SMIM35: variants seen among roughly 807,000 people sequenced by gnomAD.
The protein encoded by SMIM35 is TMPRSS4 antisense RNA 1 (non-protein coding).
intron 1 of SMIM35, chr11:118,028,976 G>A (rs113711513): frequency 0.013 from 5,029 of 384,208 alleles, 62 homozygotes; most frequent in Non-Finnish European, 0.017. Flanking sequence ...GTTGTTTCGG[G>A]TAAAAATAGT....
intron 1 of SMIM35, chr11:118,028,834 A>AAAGGAGAAGAAAAAGGAGGAGG (rs1186735726): frequency 4.4e-6 from 2 of 453,140 alleles, no homozygotes; most frequent in African/African-American, 4.0e-5. Flanking sequence ...TAGAAGGGGA[A>AAAGGAGAAGAAAAAGGAGGAGG]AAGGAGAAGA....
intron 1 of SMIM35, chr11:118,029,534 G>A: frequency 2.4e-6 from 1 of 411,694 alleles, no homozygotes; most frequent in Non-Finnish European, 4.8e-6. Flanking sequence ...GCCAATAGGA[G>A]GCAATAGAGA....
At chr11:118,028,373 G>C (rs1415898120) in intron 1 of SMIM35, among the ~76,000 whole-genome samples, 1 of 152,172 alleles carries the variant, frequency 6.6e-6, no homozygotes, top group Admixed American at 6.5e-5. Flanking sequence ...TACAAGACAG[G>C]CCTGTGGGGA....
In SMIM35 at chr11:118,015,145, T is replaced by A. The variant is rs569254118; in HGVS notation, c.125-404A>T. On this transcript the variant is annotated intron_variant, in intron 2 of 4. Transcript: ENST00000689828. ...GCTCAACAAATATCCATGGACTCTG[T>A]TAAAGTTAAGTGCAGATCTAGGAAA... 2.7e-3 allele frequency among the ~76,000 whole-genome samples: 412 copies of A among 152,324 alleles called. 1 individual carries two copies. The highest frequency in any genetic ancestry group is 4.1e-3 in the Non-Finnish European group (276 of 68,030).
chr11:118,016,532 C>G (rs980310047), intron 1 of SMIM35, among the ~76,000 whole-genome samples: 8 of 152,124 alleles, frequency 5.3e-5, no homozygotes, highest in African/African-American at 1.7e-4. Flanking sequence ...GATGAGGTAC[C>G]AGGAGTGTGG....
At chr11:118,049,462 C>A (rs1247078833) in intron 1 of SMIM35, among the ~76,000 whole-genome samples, 1 of 150,724 alleles carries the variant, frequency 6.6e-6, no homozygotes, top group Non-Finnish European at 1.5e-5. Flanking sequence ...AATTCTCCTG[C>A]CTCAGCCTCC....
intron 1 of SMIM35, among the ~76,000 whole-genome samples, chr11:118,023,694 T>C (rs2058250560): frequency 6.6e-6 from 1 of 151,738 alleles, no homozygotes; most frequent in Admixed American, 6.6e-5. Context: ...GGCATAGCAA[T>C]AGGAACTATC....
chr11:118,036,723 G>A (rs1405945260), intron 1 of SMIM35, among the ~76,000 whole-genome samples: 1 of 152,240 alleles, frequency 6.6e-6, no homozygotes, highest in Non-Finnish European at 1.5e-5. Context: ...TTCCATCTGG[G>A]CTGGTTCTCT....
intron 1 of SMIM35, among the ~76,000 whole-genome samples, chr11:118,042,164 T>A: frequency 7.1e-6 from 1 of 139,898 alleles, no homozygotes; most frequent in African/African-American, 2.7e-5. Context: ...AAATAAACAA[T>A]AGAGAACACT....
intron 1 of SMIM35, chr11:118,067,110 C>G (rs1944486397): frequency 1.3e-5 from 2 of 152,032 alleles, no homozygotes; most frequent in Admixed American, 1.3e-4. Flanking sequence ...CTTCACAGAC[C>G]ATGTGTAAAC....
intron 1 of SMIM35, among the ~76,000 whole-genome samples, chr11:118,026,657 C>G (rs1485191244): frequency 6.6e-6 from 1 of 152,180 alleles, no homozygotes; most frequent in Non-Finnish European, 1.5e-5. Flanking sequence ...TATCTACCAA[C>G]TCTGCATTCA....
chr11:118,043,003 C>T (rs555943690), intron 1 of SMIM35, among the ~76,000 whole-genome samples: 100 of 152,328 alleles, frequency 6.6e-4, no homozygotes, highest in Middle Eastern at 3.4e-3. Flanking sequence ...ACTTCCTCAA[C>T]CTGACAAAGA....
At chr11:118,063,580 A>G (rs7105816) in intron 1 of SMIM35, among the ~76,000 whole-genome samples, 40,689 of 152,104 alleles carry the variant, frequency 0.27, 5,496 homozygotes, top group South Asian at 0.31. Context: ...GGAAGGGCCT[A>G]GGTGGCTTCA....
intron 1 of SMIM35, among the ~76,000 whole-genome samples, chr11:118,080,986 C>T (rs905563489): frequency 3.3e-5 from 5 of 152,220 alleles, no homozygotes; most frequent in African/African-American, 9.6e-5. Context: ...TCTTTTAAAC[C>T]TGTTGCCACC....
intron 1 of SMIM35, among the ~76,000 whole-genome samples, chr11:118,024,368 T>G (rs1209712284): frequency 6.6e-6 from 1 of 152,180 alleles, no homozygotes; most frequent in East Asian, 1.9e-4. Flanking sequence ...ACCATATGTA[T>G]AGGTTGGAAA....
At chr11:118,064,892 G>A (rs1311593868) in intron 1 of SMIM35, among the ~76,000 whole-genome samples, 2 of 152,170 alleles carry the variant, frequency 1.3e-5, no homozygotes, top group South Asian at 2.1e-4. Context: ...CGATATACCC[G>A]CCTGGCGGAA....
intron 1 of SMIM35, among the ~76,000 whole-genome samples, chr11:118,042,738 G>A (rs1251474299): frequency 1.3e-5 from 2 of 152,156 alleles, no homozygotes; most frequent in Non-Finnish European, 2.9e-5. Context: ...TGTGGAAAAA[G>A]AATAAAGAAT....
intron 1 of SMIM35, among the ~76,000 whole-genome samples, chr11:118,057,479 T>A (rs923373909): frequency 1.3e-5 from 2 of 151,824 alleles, no homozygotes; most frequent in African/African-American, 4.8e-5. Context: ...GGCATCTAGA[T>A]GACACACTGC....
intron 1 of SMIM35, among the ~76,000 whole-genome samples, chr11:118,056,032 C>A (rs930694839): frequency 3.3e-5 from 5 of 151,964 alleles, no homozygotes; most frequent in African/African-American, 4.8e-5. Flanking sequence ...GAAGAAGAGG[C>A]TCTAGGCTGA....
Sources: gnomAD v4.1 joint callset for allele counts (sites outside exome capture counted in the v4.1 genomes callset) on GRCh38, gnomAD v4.1.1 for gene constraint, MANE v1.5 for transcripts, NCBI Gene and HGNC (gene_info 2026-07-23, HGNC 2026-07-21) for gene names.